TUBA4B: variants seen among roughly 807,000 people sequenced by gnomAD.
The protein encoded by TUBA4B is tubulin alpha 4b, also known as tubulin-like protein alpha-4B.
In TUBA4B, 13 loss-of-function variants were observed where a neutral mutation model predicts 18.4. The observed-to-expected ratio is 0.71, with a 90% CI of 0.46 to 1.12. TUBA4B has a LOEUF of 1.12. Among genes scored for constraint, TUBA4B ranks in the 50% most tolerant of loss-of-function variants. The probability of loss-of-function intolerance (pLI) is 0.00; values close to 1 mark genes in which losing one functional copy is unlikely to be tolerated. For synonymous variants in TUBA4B, 101 were observed against 99.1 expected (o/e 1.02, Z -0.11); for missense variants, 244 against 250.0 (o/e 0.98, Z 0.16).
Position 219,271,285 on chromosome 2 carries a change from C to T in TUBA4B, c.312C>T (p.Ser104=). The T allele has an allele frequency of 6.5e-7, 1 of 1,535,628 alleles. No homozygotes were observed. Residue 104 remains serine (S), a synonymous_variant, in exon 4 of 4, where the codon TCC becomes TCT. Transcript: ENST00000490341. ...EWLSVNYGKK[S]KLGFSIYPAP... ...TTTCTGTTAACTATGGCAAGAAATCCAAGCTGGGATTCTCCATCTACCCAG... is the reference window on the plus strand; with the variant it reads ...TTTCTGTTAACTATGGCAAGAAATCTAAGCTGGGATTCTCCATCTACCCAG...
Position 219,253,433 on chromosome 2 carries a change from T to G in TUBA4B, c.12+14T>G. 2 of 1,504,194 alleles carry G rather than the reference T, an allele frequency of 1.3e-6. No individual in the cohort carries two copies. Among genetic ancestry groups the G allele is most frequent in the Non-Finnish European group, 1.8e-6 (2 of 1,117,878 alleles). The allele number at this position is 1,504,194 out of a possible 1,614,324, so 93.2% of individuals were successfully genotyped here. A position where few individuals can be genotyped will look rare whatever the true frequency, so the allele number is the denominator to read the frequency against. ...ATGCGGCACCAGGTAACCTGACCCC[T>G]TCCACCTTCTAGCGCCAAGCACGTG... On this transcript the variant is annotated intron_variant, in intron 1 of 3. Transcript: ENST00000490341.
chr2:219,253,268 C>T lies in TUBA4B; in HGVS notation c.-140C>T. On this transcript the variant is annotated 5_prime_UTR_variant, in exon 1 of 4. Coordinates refer to ENST00000490341, the MANE Select transcript of TUBA4B (RefSeq NM_001355221.1). ...GTCTCTGCCCATCCGCGCACCCGGG[C>T]TTCGGCTGGAGAGGGCCAGCTCGCT... 6.7e-7 allele frequency: 1 copy of T among 1,492,486 alleles called. No homozygotes were observed. Among genetic ancestry groups the T allele is most frequent in the Non-Finnish European group, 8.9e-7 (1 of 1,121,804 alleles). 92.5% of individuals were successfully genotyped at this position (1,492,486 alleles called of 1,614,324 possible).
intron 1 of TUBA4B, among the ~76,000 whole-genome samples, chr2:219,257,854 A>ATT (rs1422361649): frequency 6.6e-6 from 1 of 151,164 alleles, no homozygotes; most frequent in Non-Finnish European, 1.5e-5. Context: ...ATATATATAT[A>ATT]TTTTATAGAT....
At chr2:219,263,336 C>G (rs1290407072) in intron 1 of TUBA4B, among the ~76,000 whole-genome samples, 1 of 151,982 alleles carries the variant, frequency 6.6e-6, no homozygotes, top group African/African-American at 2.4e-5. Flanking sequence ...CTACTAAAAA[C>G]ACAAAAATTA....
Position 219,271,525 on chromosome 2 carries a change from C to T in TUBA4B, c.552C>T (p.Asp184=), listed in dbSNP as rs373597966. 6.0e-5 allele frequency: 97 copies of T among 1,614,090 alleles called. No homozygotes were observed. Among genetic ancestry groups the T allele is most frequent in the Admixed American group, 1.7e-4 (10 of 59,996 alleles). The change falls in exon 4 of 4, where the codon GAC becomes GAT. Residue 184 remains aspartate, a synonymous_variant. Coordinates refer to ENST00000490341, the MANE Select transcript of TUBA4B (RefSeq NM_001355221.1). ...CCATCACAGCTTCTCTGCGCTTTGA[C>T]GGGGCCCTCAATGTGGACCTGACAG... The part of the protein sequence containing the change: ...VSSITASLRF[D]GALNVDLTEF...
At chr2:219,256,041 G>A (rs1158769432) in intron 1 of TUBA4B, among the ~76,000 whole-genome samples, 9 of 152,204 alleles carry the variant, frequency 5.9e-5, no homozygotes, top group East Asian at 1.9e-4. Context: ...GAAAGGAGCC[G>A]TGGTGACTAT....
chr2:219,270,868 C>A (rs1195010866), intron 3 of TUBA4B, among the ~76,000 whole-genome samples: 1 of 151,828 alleles, frequency 6.6e-6, no homozygotes, highest in Non-Finnish European at 1.5e-5. Flanking sequence ...ATGAGGGAGC[C>A]CTGGAGTCCT....
intron 2 of TUBA4B, among the ~76,000 whole-genome samples, chr2:219,268,177 C>T (rs943694180): frequency 6.8e-5 from 10 of 147,364 alleles, no homozygotes; most frequent in South Asian, 2.1e-4. Flanking sequence ...GATGCAATCT[C>T]GGCTCACTGC....
At chr2:219,255,853 C>A (rs1297020875) in intron 1 of TUBA4B, among the ~76,000 whole-genome samples, 1 of 152,184 alleles carries the variant, frequency 6.6e-6, no homozygotes, top group Non-Finnish European at 1.5e-5. Context: ...CTAGTGATGG[C>A]AACTCTCTAT....
chr2:219,253,891 C>T (rs559586186), intron 1 of TUBA4B: 3 of 1,418,370 alleles, frequency 2.1e-6, no homozygotes, highest in Non-Finnish European at 2.8e-6. Flanking sequence ...CACGTTGAGT[C>T]GGGGTGACAG....
chr2:219,265,888 T>C lies in TUBA4B; in HGVS notation c.13-633T>C, dbSNP rs182424478. ...AAGCACTTAAGAAAGGTTACCTTGT[T>C]AGTACCTCGTAATACTACCTCTCCC... On this transcript the variant is annotated intron_variant, in intron 1 of 3. Coordinates refer to ENST00000490341, the MANE Select transcript of TUBA4B (RefSeq NM_001355221.1). Among the ~76,000 whole-genome samples the C allele has an allele frequency of 4.0e-4, 61 of 152,290 alleles. No homozygotes were observed. The East Asian group carries it at 4.1e-3, about 10-fold the overall frequency.
chr2:219,271,680 G>A lies in TUBA4B; in HGVS notation c.707G>A (p.Ser236Asn), dbSNP rs1559282770. 6 of 1,613,524 alleles carry A rather than the reference G, an allele frequency of 3.7e-6. No homozygotes were observed. The highest frequency in any genetic ancestry group is 5.1e-6 in the Non-Finnish European group (6 of 1,179,424). Residue 236 changes from serine to asparagine, a missense_variant, in exon 4 of 4, where the codon AGC becomes AAC. By Grantham distance (46) the Ser-to-Asn change is conservative. Transcript: ENST00000490341. The part of the protein sequence containing the change: ...WWQRLPMPAL[S>N]LPTRW ...CAGAGATTACCAATGCCTGCTTTGA[G>A]CCTGCCAACCAGATGGTGAAGTGTG...
intron 1 of TUBA4B, among the ~76,000 whole-genome samples, chr2:219,260,211 T>A (rs1326014090): frequency 6.6e-6 from 1 of 152,164 alleles, no homozygotes; most frequent in Non-Finnish European, 1.5e-5. Flanking sequence ...CTTCATTTAT[T>A]TTTCTCCCTG....
chr2:219,253,894 G>T, intron 1 of TUBA4B: 1 of 1,427,256 alleles, frequency 7.0e-7, no homozygotes, highest in Non-Finnish European at 9.2e-7. Context: ...GTTGAGTCGG[G>T]GTGACAGGTC....
chr2:219,268,105 CTTTT>C (rs544596055), intron 2 of TUBA4B, among the ~76,000 whole-genome samples: 1 of 118,720 alleles, frequency 8.4e-6, no homozygotes, highest in Non-Finnish European at 1.7e-5. Flanking sequence ...AACTCATTAT[CTTTT>C]TTTTTTTTTT....
intron 1 of TUBA4B, among the ~76,000 whole-genome samples, chr2:219,257,901 C>T (rs1210361594): frequency 6.6e-6 from 1 of 151,272 alleles, no homozygotes; most frequent in Non-Finnish European, 1.5e-5. Context: ...TGGTCTAGAG[C>T]TCCTAGCCAT....
intron 2 of TUBA4B, among the ~76,000 whole-genome samples, chr2:219,266,851 G>C (rs1337815290): frequency 1.3e-5 from 2 of 152,132 alleles, no homozygotes; most frequent in African/African-American, 4.8e-5. Context: ...ATTTAGGTGT[G>C]GGGAGTGTGG....
At chr2:219,258,089 G>T (rs941558016) in intron 1 of TUBA4B, among the ~76,000 whole-genome samples, 1 of 149,602 alleles carries the variant, frequency 6.7e-6, no homozygotes, top group Admixed American at 6.7e-5. Flanking sequence ...CACCTACCAG[G>T]TTCAAGCGAT....
chr2:219,261,632 C>G (rs565937259), intron 1 of TUBA4B, among the ~76,000 whole-genome samples: 2 of 152,194 alleles, frequency 1.3e-5, no homozygotes, highest in Non-Finnish European at 2.9e-5. Context: ...TTACTGCCAA[C>G]CCAGCTACTT....
Sources: gnomAD v4.1 joint callset for allele counts (sites outside exome capture counted in the v4.1 genomes callset) on GRCh38, gnomAD v4.1.1 for gene constraint, MANE v1.5 for transcripts, NCBI Gene and HGNC (gene_info 2026-07-23, HGNC 2026-07-21) for gene names.